TTC39C: variants seen among roughly 807,000 people sequenced by gnomAD.
TTC39C encodes tetratricopeptide repeat domain 39C, also known as tetratricopeptide repeat protein 39C.
Under a neutral mutation model 76.3 loss-of-function variants are expected in TTC39C, and 33 were observed. That is an observed-to-expected ratio of 0.43 (90% CI 0.33 to 0.58). The LOEUF (loss-of-function observed/expected upper bound fraction) is 0.58, where lower values mean the gene tolerates loss of function less well. Ranked by LOEUF, TTC39C falls within the 20% of genes least tolerant of loss-of-function variation. TTC39C has a pLI of 0.04. For synonymous variants in TTC39C, 254 were observed against 260.6 expected (o/e 0.97, Z 0.24); for missense variants, 595 against 701.4 (o/e 0.85, Z 1.71).
chr18:24,118,823 T>C (rs2084929362), intron 8 of TTC39C, among the ~76,000 whole-genome samples: 1 of 151,940 alleles, frequency 6.6e-6, no homozygotes, highest in Non-Finnish European at 1.5e-5. Flanking sequence ...CAGCCAATTT[T>C]TTAAAAAAAA....
intron 1 of TTC39C, among the ~76,000 whole-genome samples, chr18:24,052,863 T>C (rs1454134424): frequency 6.6e-6 from 1 of 152,200 alleles, no homozygotes; most frequent in African/African-American, 2.4e-5. Flanking sequence ...CCTGGGTGAC[T>C]GTACCTGTCT....
chr18:24,014,915 G>A lies in TTC39C; in HGVS notation c.44G>A (p.Gly15Glu), dbSNP rs747398636. ...CAGCGGCCGCGGCGGCGGGACGACG[G>A]AGACTCGGACGCGGCAGCGGCGGCG... ...EQQRPRRRDD[G>E]DSDAAAAAAA... Residue 15 changes from glycine (G) to glutamate (E), a missense_variant, in exon 1 of 14, where the codon GGA becomes GAA. Transcript: ENST00000317571. 4.0e-6 allele frequency: 6 copies of A among 1,516,286 alleles called. No homozygotes were observed. In the African/African-American group the frequency reaches 5.8e-5, roughly 15 times the overall value. The allele number at this position is 1,516,286 out of a possible 1,614,324, so 93.9% of individuals were successfully genotyped here. A position where few individuals can be genotyped will look rare whatever the true frequency, so the allele number is the denominator to read the frequency against.
chr18:24,109,364 TA>T (rs1230558346), intron 6 of TTC39C, among the ~76,000 whole-genome samples: 3 of 150,740 alleles, frequency 2.0e-5, no homozygotes, highest in Non-Finnish European at 3.0e-5. Context: ...ACTTAAACAT[TA>T]AAAAAAAATT....
chr18:24,122,147 C>T (rs926586584), intron 8 of TTC39C, among the ~76,000 whole-genome samples: 6 of 152,204 alleles, frequency 3.9e-5, no homozygotes, highest in African/African-American at 7.2e-5. Flanking sequence ...GGTACGTGCA[C>T]GCCTGGGATA....
In TTC39C at chr18:24,001,185, T is replaced by C. The variant is rs553365607; in HGVS notation, c.-17+8147T>C. On this transcript the variant is annotated intron_variant, in intron 1 of 13. Coordinates refer to the TTC39C transcript ENST00000304621. The stretch of plus-strand genomic sequence containing the variant: ...AAGAGGTTCCTCTACCAGCCTCATC[T>C]TGGTCACTGGTCTGCTCTAGTCTAC... 9.8e-5 allele frequency among the ~76,000 whole-genome samples: 15 copies of C among 152,326 alleles called. No individual in the cohort carries two copies. In the South Asian group the frequency reaches 3.1e-3, roughly 32 times the overall value.
At chr18:24,061,723 T>C (rs1042172695) in intron 1 of TTC39C, among the ~76,000 whole-genome samples, 33 of 150,834 alleles carry the variant, frequency 2.2e-4, no homozygotes, top group Admixed American at 9.3e-4. Context: ...CTCAATATAG[T>C]GAAACCCCGT....
chr18:24,030,104 A>G (rs1418602117), intron 1 of TTC39C, among the ~76,000 whole-genome samples: 2 of 152,116 alleles, frequency 1.3e-5, no homozygotes, highest in African/African-American at 4.8e-5. Flanking sequence ...AAATATCTTG[A>G]TTAATTTTGT....
chr18:24,020,220 A>G, intron 1 of TTC39C: 2 of 1,081,698 alleles, frequency 1.8e-6, no homozygotes, highest in East Asian at 6.1e-5. Flanking sequence ...TGTTGGAAAA[A>G]GGCATCTTTT....
At chr18:24,037,098 G>A (rs1206450392) in intron 1 of TTC39C, among the ~76,000 whole-genome samples, 1 of 152,106 alleles carries the variant, frequency 6.6e-6, no homozygotes, top group Non-Finnish European at 1.5e-5. Context: ...GGGCGTTTTT[G>A]TCTTTTTCCT....
chr18:24,074,918 T>C (rs1363138059), intron 4 of TTC39C, among the ~76,000 whole-genome samples: 1 of 152,116 alleles, frequency 6.6e-6, no homozygotes, highest in Non-Finnish European at 1.5e-5. Flanking sequence ...CCATCAATGA[T>C]AGACTGGATA....
intron 1 of TTC39C, among the ~76,000 whole-genome samples, chr18:24,053,759 C>T (rs939205205): frequency 6.6e-6 from 1 of 152,166 alleles, no homozygotes; most frequent in Non-Finnish European, 1.5e-5. Context: ...ATCAGGTCTC[C>T]TGTGAAATTG....
At chr18:24,109,893 C>T (rs56916237) in intron 6 of TTC39C, among the ~76,000 whole-genome samples, 1 of 151,964 alleles carries the variant, frequency 6.6e-6, no homozygotes, top group Non-Finnish European at 1.5e-5. Context: ...GTAATCCCAG[C>T]TAATCGGGAG....
At chr18:24,015,996 A>G (rs996913731) in intron 1 of TTC39C, among the ~76,000 whole-genome samples, 2 of 152,160 alleles carry the variant, frequency 1.3e-5, no homozygotes, top group African/African-American at 4.8e-5. Flanking sequence ...GCTTCACGCT[A>G]TGGAGACCCT....
rs1176173097 is a variant in TTC39C, at chr18:24,111,914, TA to T, written c.985-2639del. Among the ~76,000 whole-genome samples, 78 of 104,498 alleles carry T rather than the reference TA, an allele frequency of 7.5e-4. No homozygotes were observed. In the South Asian group the frequency reaches 0.012, roughly 16 times the overall value. The allele number at this position is 104,498 out of a possible 152,430, so 68.6% of individuals were successfully genotyped here. A position where few individuals can be genotyped will look rare whatever the true frequency, so the allele number is the denominator to read the frequency against. ...AAGACCCTATCTTTAAAAATATATA[TA>T]TATATATATTTTTTTTGGTGAAAAA... On this transcript the variant is annotated intron_variant, in intron 6 of 13. Coordinates refer to ENST00000317571, the MANE Select transcript of TTC39C (RefSeq NM_001135993.2).
intron 6 of TTC39C, among the ~76,000 whole-genome samples, chr18:24,109,176 CAAAAAAA>C (rs35872928): frequency 6.0e-4 from 44 of 73,876 alleles, no homozygotes; most frequent in African/African-American, 2.4e-3. Flanking sequence ...CCCGTCTCTA[CAAAAAAA>C]AAAAAAAAAA....
intron 6 of TTC39C, among the ~76,000 whole-genome samples, chr18:24,107,489 G>A (rs1186517323): frequency 6.6e-6 from 1 of 152,056 alleles, no homozygotes; most frequent in Non-Finnish European, 1.5e-5. Flanking sequence ...TGAATCACGG[G>A]GGCAGTTTCC....
chr18:24,037,834 G>A, intron 1 of TTC39C, among the ~76,000 whole-genome samples: 1 of 152,190 alleles, frequency 6.6e-6, no homozygotes. Context: ...GGAGACTGTG[G>A]CATTTTATGT....
intron 4 of TTC39C, among the ~76,000 whole-genome samples, chr18:24,072,295 C>CTT (rs35989927): frequency 0.011 from 1,561 of 142,038 alleles, 11 homozygotes; most frequent in South Asian, 0.036. Flanking sequence ...ATGATTCATG[C>CTT]TTTTTTTTTT....
At chr18:24,065,612 C>T (rs1012390644) in intron 2 of TTC39C, among the ~76,000 whole-genome samples, 1 of 152,214 alleles carries the variant, frequency 6.6e-6, no homozygotes, top group South Asian at 2.1e-4. Flanking sequence ...GTTTCATTAG[C>T]ATTTCTGTGC....
Sources: allele counts gnomAD v4.1 joint callset (sites outside exome capture counted in the v4.1 genomes callset), GRCh38; gene constraint gnomAD v4.1.1; transcripts MANE v1.5; gene names NCBI Gene and HGNC (gene_info 2026-07-23, HGNC 2026-07-21).